The following ST18 variants were observed in gnomAD, a reference collection of about 807,000 sequenced individuals.
The protein encoded by ST18 is suppression of tumorigenicity 18 protein.
In ST18, 50 loss-of-function variants were observed where a neutral mutation model predicts 110.0. That is an observed-to-expected ratio of 0.45 (90% confidence interval 0.36 to 0.58). ST18 has a LOEUF of 0.58. Among genes scored for constraint, ST18 ranks in the 20% least tolerant of loss-of-function variants. ST18 has a pLI of 0.00. For missense variants in ST18, 1,306 were observed against 1,280.1 expected, an observed-to-expected ratio of 1.02 and a Z score of -0.31; for synonymous variants, 461 against 452.4, an observed-to-expected ratio of 1.02 and a Z score of -0.24.
chr8:52,159,251 T>A, intron 14 of ST18, 142 bp from the exon 15 acceptor site: 1 of 772,132 alleles, frequency 1.3e-6, no homozygotes, highest in Non-Finnish European at 2.0e-6. Context: ...ATGGGAACAT[T>A]AAATGAAGGT....
intron 2 of ST18, among the ~76,000 whole-genome samples, chr8:52,239,388 G>A (rs950912040): frequency 6.6e-6 from 1 of 152,146 alleles, no homozygotes; most frequent in African/African-American, 2.4e-5. Context: ...AAGAAAACAG[G>A]TGAAACCATA....
chr8:52,337,584 C>T (rs533446846), intron 2 of ST18, among the ~76,000 whole-genome samples: 3 of 152,208 alleles, frequency 2.0e-5, no homozygotes, highest in African/African-American at 4.8e-5. Context: ...CCATGTGTGT[C>T]AGGGAAATAC....
intron 13 of ST18, among the ~76,000 whole-genome samples, chr8:52,162,939 A>G (rs1009757454): frequency 4.6e-5 from 7 of 152,228 alleles, no homozygotes; most frequent in African/African-American, 1.7e-4. Context: ...TATCTGAGCA[A>G]CTAGTTGATC....
At position 52,293,444 on chromosome 8, in the gene ST18, C is replaced by T. The variant is rs373494733; in HGVS notation, c.-464-63367G>A. On this transcript the variant is annotated intron_variant, in intron 2 of 25. Coordinates refer to ENST00000689386, the MANE Select transcript of ST18 (RefSeq NM_001352837.2). ...GTTCTTAGTGGTAAGTGCGTTTTTTCCTATCCGCTTAGTGTTGAAACAGCT... is the reference window on the plus strand; with the variant it reads ...GTTCTTAGTGGTAAGTGCGTTTTTTTCTATCCGCTTAGTGTTGAAACAGCT... Among the ~76,000 whole-genome samples the T allele has an allele frequency of 1.3e-4, 20 of 152,270 alleles. No individual in the cohort carries two copies. The East Asian group carries it at 2.9e-3, about 22-fold the overall frequency.
At chr8:52,274,699 A>T (rs954792916) in intron 2 of ST18, among the ~76,000 whole-genome samples, 2 of 152,198 alleles carry the variant, frequency 1.3e-5, no homozygotes, top group Non-Finnish European at 2.9e-5. Flanking sequence ...CATAGTTTTG[A>T]TATGCAACAA....
intron 2 of ST18, among the ~76,000 whole-genome samples, chr8:52,267,362 G>A (rs1344868181): frequency 6.6e-6 from 1 of 151,848 alleles, no homozygotes; most frequent in East Asian, 1.9e-4. Flanking sequence ...ACAGCAAGGG[G>A]CCTTTAGAGA....
intron 2 of ST18, among the ~76,000 whole-genome samples, chr8:52,385,907 C>A (rs1237209721): frequency 6.6e-6 from 1 of 152,046 alleles, no homozygotes; most frequent in Non-Finnish European, 1.5e-5. Flanking sequence ...TAAGGAAAAC[C>A]TCTCACTCTC....
chr8:52,194,025 T>C (rs1303698741), intron 8 of ST18, among the ~76,000 whole-genome samples: 1 of 151,680 alleles, frequency 6.6e-6, no homozygotes, highest in African/African-American at 2.4e-5. Flanking sequence ...TAACGTCAGG[T>C]TTATAAAAGG....
chr8:52,255,412 C>T (rs2094495627), intron 2 of ST18, among the ~76,000 whole-genome samples: 1 of 152,136 alleles, frequency 6.6e-6, no homozygotes, highest in African/African-American at 2.4e-5. Flanking sequence ...CCTTTTACGT[C>T]TTAAAGGAAT....
At position 52,178,645 on chromosome 8, in the gene ST18, C is replaced by CAAAAAAAAAA. The variant is rs1563897561; in HGVS notation, c.277+1476_277+1477insTTTTTTTTTT. Among the ~76,000 whole-genome samples the CAAAAAAAAAA allele has an allele frequency of 2.8e-3, 85 of 29,986 alleles. 8 individuals carry two copies. The highest frequency in any genetic ancestry group is 3.7e-3 in the South Asian group (3 of 816). The allele number at this position is 29,986 out of a possible 152,430, so 19.7% of individuals were successfully genotyped here. On this transcript the variant is annotated intron_variant, in intron 9 of 25. Coordinates refer to ENST00000689386, the MANE Select transcript of ST18 (RefSeq NM_001352837.2). The stretch of plus-strand genomic sequence containing the variant: ...AAAAAAAAAAAAAAAAAAAAAAAAC[C>CAAAAAAAAAA]ACCAAAAACCAAAATAAAACAAACA...
chr8:52,249,337 T>C (rs998755154), intron 2 of ST18: 2 of 152,410 alleles, frequency 1.3e-5, no homozygotes, highest in Non-Finnish European at 2.9e-5. Flanking sequence ...TCCCTAGGGC[T>C]TAATTGCCAG....
intron 22 of ST18, among the ~76,000 whole-genome samples, chr8:52,126,356 C>G (rs1483844122): frequency 4.6e-5 from 7 of 152,192 alleles, no homozygotes; most frequent in African/African-American, 1.7e-4. Context: ...TTCCTTAAAT[C>G]AAGGTACAAA....
chr8:52,117,420 T>C (rs1384328527), intron 24 of ST18, among the ~76,000 whole-genome samples: 1 of 152,228 alleles, frequency 6.6e-6, no homozygotes, highest in East Asian at 1.9e-4. Context: ...TGATCATTTA[T>C]GACTTTTTTG....
intron 3 of ST18, among the ~76,000 whole-genome samples, chr8:52,229,356 G>A (rs1409910227): frequency 6.6e-6 from 1 of 152,218 alleles, no homozygotes; most frequent in Non-Finnish European, 1.5e-5. Flanking sequence ...GAGGCTCCAA[G>A]GGAGAATGCA....
chr8:52,387,775 G>A (rs181925550), intron 2 of ST18, among the ~76,000 whole-genome samples: 484 of 152,256 alleles, frequency 3.2e-3, no homozygotes, highest in Non-Finnish European at 4.9e-3. Context: ...TCCTTTGACA[G>A]CCTAAGATAT....
chr8:52,166,865 C>A lies in ST18; in HGVS notation c.1191G>T (p.Arg397=). 1 of 1,589,734 alleles carries A rather than the reference C, an allele frequency of 6.3e-7. No homozygotes were observed. The highest frequency in any genetic ancestry group is 8.6e-7 in the Non-Finnish European group (1 of 1,162,388). The change falls in exon 11 of 26, where the codon CGG becomes CGT. Residue 397 remains arginine (R), a synonymous_variant. Coordinates refer to ENST00000689386, the MANE Select transcript of ST18 (RefSeq NM_001352837.2). ...AGTGGTACTCACTTTCCAGGGGAAC[C>A]CGCACTTTGTGGGGGCACCCCGAAA... ...RSLSGCPHKV[R]VPLEILAMHE...
At position 52,164,096 on chromosome 8, in the gene ST18, T is replaced by TA. The variant is rs36033913; in HGVS notation, c.1296-7dup. ...CAATTGGACAACCAGAAAGACTGTT[T>TA]AAAAAAAGAAACACAGGAGGATTTT... On this transcript the variant is annotated splice_region_variant and splice_polypyrimidine_tract_variant and intron_variant, in intron 12 of 25. Coordinates refer to ENST00000689386, the MANE Select transcript of ST18 (RefSeq NM_001352837.2). 6.2e-6 allele frequency: 10 copies of TA among 1,611,390 alleles called. No individual in the cohort carries two copies. The highest frequency in any genetic ancestry group is 7.6e-6 in the Non-Finnish European group (9 of 1,177,838).
Position 52,229,218 on chromosome 8 carries a change from A to G in ST18, c.-419+814T>C, listed in dbSNP as rs182639873. Among the ~76,000 whole-genome samples the G allele has an allele frequency of 2.0e-3, 310 of 152,320 alleles. 1 individual carries two copies. Among genetic ancestry groups the G allele is most frequent in the Non-Finnish European group, 3.1e-3 (213 of 68,034 alleles). On this transcript the variant is annotated intron_variant, in intron 3 of 25. Transcript: ENST00000689386. ...GGCTTATTCTATGTATTAGTTTTCT[A>G]TTGCTGCCATAACAAATTTTTACAA... is the stretch of plus-strand genomic sequence containing the variant.
intron 16 of ST18, among the ~76,000 whole-genome samples, chr8:52,148,117 C>T (rs2057838439): frequency 6.6e-6 from 1 of 151,614 alleles, no homozygotes; most frequent in Admixed American, 6.6e-5. Flanking sequence ...TGCACACTTG[C>T]CAGTTTGTGG....
Sources: allele counts gnomAD v4.1 joint callset (sites outside exome capture counted in the v4.1 genomes callset), GRCh38; gene constraint gnomAD v4.1.1; transcripts MANE v1.5; gene names NCBI Gene and HGNC (gene_info 2026-07-23, HGNC 2026-07-21).